Variants in ROCK2 observed in about 807,000 individuals in gnomAD.
The protein encoded by ROCK2 is rho-associated protein kinase 2.
ROCK2 carries 61 observed loss-of-function variants against 195.1 expected under a neutral mutation model. That is an observed-to-expected ratio of 0.31 (90% confidence interval 0.25 to 0.39). ROCK2 has a LOEUF of 0.39. Ranked by LOEUF, ROCK2 falls within the 10% of genes least tolerant of loss-of-function variation. ROCK2 has a pLI of 1.00. For synonymous variants in ROCK2, 504 were observed against 545.5 expected (o/e 0.92, Z 1.06); for missense variants, 1,109 against 1,637.4 (o/e 0.68, Z 5.57).
intron 1 of ROCK2, among the ~76,000 whole-genome samples, chr2:11,296,883 T>G (rs1427837939): frequency 2.0e-5 from 3 of 152,178 alleles, no homozygotes; most frequent in Non-Finnish European, 4.4e-5. Context: ...TAACTCCTTT[T>G]GTTATGAATG....
In ROCK2 at chr2:11,192,560, G is replaced by A; in HGVS notation, c.3840C>T (p.Pro1280=). ...GAGGAGGCTTAAACATGTGCCACAG[G>A]GGCTTCATACAAGCCTCACAGTTGG... ...FPTNCEACMK[P]LWHMFKPPPA... is the part of the protein sequence containing the mutation. Residue 1280 remains proline, a synonymous_variant, in exon 31 of 33, where the codon CCC becomes CCT. Transcript: ENST00000315872. The surrounding 1 kb of genome is among the most constrained non-coding windows in gnomAD (Gnocchi z 5.0). 1 of 1,614,072 alleles carries A rather than the reference G, an allele frequency of 6.2e-7. No individual in the cohort carries two copies. The highest frequency in any genetic ancestry group is 8.5e-7 in the Non-Finnish European group (1 of 1,180,010).
At chr2:11,317,576 T>TTAAATATATATA (rs1553317357) in intron 1 of ROCK2, among the ~76,000 whole-genome samples, 1 of 29,586 alleles carries the variant, frequency 3.4e-5, no homozygotes, top group African/African-American at 1.6e-4. Flanking sequence ...ATCTACACAT[T>TTAAATATATATA]TATATATATA....
At chr2:11,214,123 A>C (rs1039244146) in intron 17 of ROCK2, among the ~76,000 whole-genome samples, 7 of 151,890 alleles carry the variant, frequency 4.6e-5, no homozygotes, top group African/African-American at 1.7e-4. Flanking sequence ...CATTATCTAC[A>C]CTCCAGGATG....
intron 12 of ROCK2, 60 bp downstream of exon 12, chr2:11,217,030 T>C (rs1664458355): frequency 2.2e-6 from 2 of 907,218 alleles, no homozygotes; most frequent in Non-Finnish European, 3.5e-6. Flanking sequence ...CCGCTCTTTT[T>C]TCAGTAAATG....
At chr2:11,291,618 T>C (rs893981762) in intron 1 of ROCK2, among the ~76,000 whole-genome samples, 2 of 152,048 alleles carry the variant, frequency 1.3e-5, no homozygotes, top group Admixed American at 6.6e-5. Flanking sequence ...TAAAAGGAGA[T>C]TGGAAATACT....
rs746750103 is a variant in ROCK2 at position 11,201,084 on chromosome 2, G to A, written c.2783C>T (p.Ala928Val). The A allele has an allele frequency of 6.2e-7, 1 of 1,613,426 alleles. No homozygotes were observed. Among genetic ancestry groups the A allele is most frequent in the South Asian group, 1.1e-5 (1 of 90,800 alleles). ...TLTKADSEQL[A>V]RSIAEEQYSD... Reference sequence around the variant, plus strand: ...ATATTGTTCTTCAGCAATTGAACGAGCCAGTTGCTCAGAATCTGCTTTGGT... The same window carrying A: ...ATATTGTTCTTCAGCAATTGAACGAACCAGTTGCTCAGAATCTGCTTTGGT... Residue 928 changes from alanine (A) to valine (V), a missense_variant, in exon 23 of 33, where the codon GCT (alanine) becomes GTT (valine). This residue lies in a region of ROCK2 where 542 missense variants were observed against 672.0 expected (regional missense o/e 0.81). Coordinates refer to ENST00000315872, the MANE Select transcript of ROCK2 (RefSeq NM_004850.5). The surrounding 1 kb of genome is among the most constrained non-coding windows in gnomAD (Gnocchi z 4.6).
chr2:11,257,602 T>G lies in ROCK2; in HGVS notation c.325-7804A>C, dbSNP rs116762506. On this transcript the variant is annotated intron_variant, in intron 3 of 32. Transcript: ENST00000315872. ...ATGAAGAGCCCTTAAAGGATATTCT[T>G]GGATCATTCCAGGAATACCAGAATC... Among the ~76,000 whole-genome samples, 978 of 151,380 alleles carry G rather than the reference T, an allele frequency of 6.5e-3. 67 individuals carry two copies. Among genetic ancestry groups the G allele is most frequent in the African/African-American group, 0.023 (949 of 40,684 alleles).
rs533191520 is a variant in ROCK2, at chr2:11,302,316, G to T, written c.142-14580C>A. Among the ~76,000 whole-genome samples the T allele has an allele frequency of 8.6e-5, 13 of 151,592 alleles. No individual in the cohort carries two copies. The South Asian group carries it at 1.5e-3, about 17-fold the overall frequency. On this transcript the variant is annotated intron_variant, in intron 1 of 32. Transcript: ENST00000315872. ...ATTTGTTGGGGTGGGGTGTTTTTTT[G>T]TTGTTGTTTTTTTTTTCTTTTGAGA...
Position 11,208,311 on chromosome 2 carries a change from T to C in ROCK2, c.2340A>G (p.Lys780=). 2 of 1,481,550 alleles carry C rather than the reference T, an allele frequency of 1.3e-6. No individual in the cohort carries two copies. Among genetic ancestry groups the C allele is most frequent in the African/African-American group, 1.4e-5 (1 of 72,092 alleles). The allele number at this position is 1,481,550 out of a possible 1,614,324, so 91.8% of individuals were successfully genotyped here. A position where few individuals can be genotyped will look rare whatever the true frequency, so the allele number is the denominator to read the frequency against. The change falls in exon 19 of 33, where the codon AAA becomes AAG. Residue 780 remains lysine, a synonymous_variant. Coordinates refer to ENST00000315872, the MANE Select transcript of ROCK2 (RefSeq NM_004850.5). ...QSQQKINELL[K]QKDVLNEDVR... ...CATCCTCATTTAGCACATCTTTCTG[T>C]TTAAGGAGCTCATTTATTTTCTGCT...
intron 4 of ROCK2, among the ~76,000 whole-genome samples, chr2:11,246,206 C>A (rs990703295): frequency 6.6e-6 from 1 of 152,114 alleles, no homozygotes; most frequent in Non-Finnish European, 1.5e-5. Context: ...GAACCTGAAT[C>A]TGATCAAGCC....
At position 11,180,866 on chromosome 2, in the gene ROCK2, G is replaced by A. The variant is rs747782549; in HGVS notation, c.*2571C>T. ...TGAAAGCGGCAATGCGGTAAAAAGCGAATTCTTACCCAAGGTCAGAATTTT... is the reference window on the plus strand; with the variant it reads ...TGAAAGCGGCAATGCGGTAAAAAGCAAATTCTTACCCAAGGTCAGAATTTT... On this transcript the variant is annotated 3_prime_UTR_variant, in exon 33 of 33. Transcript: ENST00000315872. The A allele has an allele frequency of 2.6e-5, 4 of 152,136 alleles. No individual in the cohort carries two copies. Among genetic ancestry groups the A allele is most frequent in the Non-Finnish European group, 5.9e-5 (4 of 68,032 alleles). 9.4% of individuals were successfully genotyped at this position (152,136 alleles called of 1,614,324 possible).
chr2:11,246,378 CTG>C (rs1376783196), intron 4 of ROCK2, among the ~76,000 whole-genome samples: 2 of 151,874 alleles, frequency 1.3e-5, no homozygotes, highest in Non-Finnish European at 2.9e-5. Context: ...AAAGATATAC[CTG>C]AACTTAAATT....
At position 11,231,071 on chromosome 2, in the gene ROCK2, T is replaced by A. The variant is rs191788916; in HGVS notation, c.724-3673A>T. 2.2e-3 allele frequency among the ~76,000 whole-genome samples: 340 copies of A among 152,158 alleles called. 10 individuals are homozygous for A. In the East Asian group the frequency reaches 0.042, roughly 19 times the overall value. ...CCTTTTGAAAATGCATACCTTTTTT[T>A]AAAAAAATTACTTAAAAAGAAAAGC... On this transcript the variant is annotated intron_variant, in intron 5 of 32. Transcript: ENST00000315872.
At chr2:11,263,120 G>T (rs1372959734) in intron 3 of ROCK2, among the ~76,000 whole-genome samples, 2 of 152,074 alleles carry the variant, frequency 1.3e-5, no homozygotes, top group Non-Finnish European at 2.9e-5. Flanking sequence ...TTCCAAAAAA[G>T]GAATTAAAAA....
At chr2:11,313,622 C>T (rs1668105093) in intron 1 of ROCK2, among the ~76,000 whole-genome samples, 1 of 151,618 alleles carries the variant, frequency 6.6e-6, no homozygotes. Context: ...TATGGTTTTC[C>T]TCAGTTTTTT....
At chr2:11,242,868 C>T (rs1385796484) in intron 4 of ROCK2, among the ~76,000 whole-genome samples, 17 of 152,160 alleles carry the variant, frequency 1.1e-4, no homozygotes, top group Admixed American at 1.1e-3. Flanking sequence ...TTTATGTCAT[C>T]ATGGTTCTTA....
chr2:11,188,103 A>T (rs1663264686), intron 32 of ROCK2, among the ~76,000 whole-genome samples: 1 of 112,642 alleles, frequency 8.9e-6, no homozygotes, highest in South Asian at 2.7e-4. Context: ...CTGGTATATA[A>T]TTTTTTTTTT....
In ROCK2 at chr2:11,276,131, A is replaced by C. The variant is rs549767873; in HGVS notation, c.324+10408T>G. Among the ~76,000 whole-genome samples the C allele has an allele frequency of 7.2e-5, 11 of 152,372 alleles. No individual in the cohort carries two copies. The South Asian group carries it at 1.9e-3, about 26-fold the overall frequency. ...TCATACTCAATAGTGAAAGTCTAAA[A>C]GTTTTTCCGCTAAGATAAAGAACAA... On this transcript the variant is annotated intron_variant, in intron 3 of 32. Transcript: ENST00000315872.
intron 1 of ROCK2, among the ~76,000 whole-genome samples, chr2:11,326,511 T>A (rs1039733231): frequency 2.6e-5 from 4 of 152,218 alleles, no homozygotes; most frequent in African/African-American, 9.6e-5. Context: ...GTACACAAGC[T>A]TGGGGCTTTG....
Sources: allele counts gnomAD v4.1 joint callset (sites outside exome capture counted in the v4.1 genomes callset), GRCh38; gene constraint gnomAD v4.1.1; regional missense constraint gnomAD v4.1.1; non-coding constraint Gnocchi (gnomAD v3.1); transcripts MANE v1.5; gene names NCBI Gene and HGNC (gene_info 2026-07-23, HGNC 2026-07-21).